Variants in USH2A observed in about 807,000 individuals in gnomAD.
USH2A encodes the protein usherin, also known as Usher syndrome 2A (autosomal recessive, mild).
Under a neutral mutation model 538.9 loss-of-function variants are expected in USH2A, and 443 were observed. The observed-to-expected ratio is 0.82, with a 90% confidence interval of 0.76 to 0.89. The LOEUF is 0.89. USH2A is among the 40% of genes least tolerant of loss of function. The pLI is 0.00. For synonymous variants in USH2A, 2,413 were observed against 2,273.5 expected (o/e 1.06, Z -1.75); for missense variants, 6,633 against 6,324.8 (o/e 1.05, Z -1.65).
chr1:215,749,284 A>T (rs1190475132), intron 58 of USH2A, among the ~76,000 whole-genome samples: 1 of 152,240 alleles, frequency 6.6e-6, no homozygotes, highest in Non-Finnish European at 1.5e-5. Context: ...ATGAAGGAAC[A>T]AAACTGTGCT....
intron 4 of USH2A, among the ~76,000 whole-genome samples, chr1:216,344,317 A>G (rs1184029717): frequency 6.6e-6 from 1 of 152,128 alleles, no homozygotes; most frequent in Non-Finnish European, 1.5e-5. Flanking sequence ...CAAACTGCAA[A>G]TGCTCAACTC....
intron 21 of USH2A, among the ~76,000 whole-genome samples, chr1:216,152,039 C>T (rs2033846187): frequency 6.6e-6 from 1 of 152,098 alleles, no homozygotes; most frequent in African/African-American, 2.4e-5. Context: ...CAAGACCTCC[C>T]TTCAGCTTAA....
rs562382188 is a variant in USH2A at position 216,027,863 on chromosome 1, G to A, written c.6325+18568C>T. ...TAATATTTTGAAACCACTGAATATA[G>A]TTAATAGTTTAATGAAATTTCCCAT... On this transcript the variant is annotated intron_variant, in intron 32 of 71. Coordinates refer to ENST00000307340, the MANE Select transcript of USH2A (RefSeq NM_206933.4). Among the ~76,000 whole-genome samples the A allele has an allele frequency of 2.6e-5, 4 of 152,302 alleles. No individual in the cohort carries two copies. The South Asian group carries it at 8.3e-4, about 32-fold the overall frequency.
At chr1:215,864,322 G>GT (rs1301521616) in intron 44 of USH2A, among the ~76,000 whole-genome samples, 1 of 152,036 alleles carries the variant, frequency 6.6e-6, no homozygotes, top group Admixed American at 6.6e-5. Context: ...CTTTTCTGAG[G>GT]ATTGTATAAA....
chr1:215,980,355 C>A (rs952373749), intron 35 of USH2A, among the ~76,000 whole-genome samples: 2 of 152,164 alleles, frequency 1.3e-5, no homozygotes, highest in African/African-American at 4.8e-5. Flanking sequence ...TGTGTCGGCA[C>A]TGAAGCATTC....
chr1:216,041,736 C>T (rs1185682652), intron 32 of USH2A, among the ~76,000 whole-genome samples: 9 of 151,978 alleles, frequency 5.9e-5, no homozygotes, highest in Admixed American at 3.9e-4. Context: ...AATTTTTGCT[C>T]ATCAAGAATG....
chr1:215,988,559 T>G (rs1235249357), intron 35 of USH2A, among the ~76,000 whole-genome samples: 3 of 151,920 alleles, frequency 2.0e-5, no homozygotes, highest in African/African-American at 7.3e-5. Flanking sequence ...AATTCTATTA[T>G]TAATTATTTG....
chr1:215,676,758 A>G (rs1160621295), intron 62 of USH2A, among the ~76,000 whole-genome samples: 1 of 150,578 alleles, frequency 6.6e-6, no homozygotes, highest in Non-Finnish European at 1.5e-5. Context: ...TAGGTTCCAT[A>G]ACTAGCTTGC....
intron 41 of USH2A, among the ~76,000 whole-genome samples, chr1:215,882,006 G>A (rs569379842): frequency 2.0e-5 from 3 of 152,250 alleles, no homozygotes; most frequent in African/African-American, 7.2e-5. Context: ...TAGTTGATTG[G>A]CTTCAGGCTT....
At chr1:215,978,709 G>T (rs930632375) in intron 35 of USH2A, among the ~76,000 whole-genome samples, 2 of 152,156 alleles carry the variant, frequency 1.3e-5, no homozygotes, top group Non-Finnish European at 2.9e-5. Context: ...GGACCCTCTA[G>T]CAGGGAATAA....
rs201727746 is a variant in USH2A at position 215,774,907 on chromosome 1, C to CTT, written c.10939+4934_10939+4935dup. On this transcript the variant is annotated intron_variant, in intron 55 of 71. Coordinates refer to ENST00000307340, the MANE Select transcript of USH2A (RefSeq NM_206933.4). ...TGGTTGATGCCACACTTTTTTTTTT[C>CTT]TTTTTTTTTTTTACTTTTTTGGTCA... 1.6e-4 allele frequency among the ~76,000 whole-genome samples: 22 copies of CTT among 136,392 alleles called. No individual in the cohort carries two copies. In the South Asian group the frequency reaches 2.8e-3, roughly 17 times the overall value. 89.5% of individuals were successfully genotyped at this position (136,392 alleles called of 152,430 possible).
chr1:215,918,085 T>C (rs1666006808), intron 38 of USH2A, among the ~76,000 whole-genome samples: 1 of 152,052 alleles, frequency 6.6e-6, no homozygotes, highest in African/African-American at 2.4e-5. Context: ...TACCAAGAAA[T>C]TAAGTGATCT....
intron 61 of USH2A, among the ~76,000 whole-genome samples, chr1:215,717,613 A>G (rs1659522032): frequency 6.6e-6 from 1 of 152,204 alleles, no homozygotes; most frequent in Non-Finnish European, 1.5e-5. Context: ...GTTTGTTTGT[A>G]TCTGTTATAG....
At chr1:216,210,141 G>A (rs1036682119) in intron 15 of USH2A, among the ~76,000 whole-genome samples, 11 of 151,992 alleles carry the variant, frequency 7.2e-5, no homozygotes, top group South Asian at 4.2e-4. Flanking sequence ...CCACTCAGTC[G>A]ATTAGTATGA....
At chr1:216,322,061 T>C in intron 8 of USH2A, 85 bp from the exon 9 acceptor site, 1 of 1,282,922 alleles carries the variant, frequency 7.8e-7, no homozygotes, top group Admixed American at 1.7e-5. Flanking sequence ...ATGCATTATG[T>C]GAATTTAACA....
At chr1:215,758,816 C>T in intron 57 of USH2A, 64 bp from the exon 58 acceptor site, 1 of 1,556,864 alleles carries the variant, frequency 6.4e-7, no homozygotes, top group Non-Finnish European at 8.8e-7. Flanking sequence ...ACAATGATTA[C>T]TAGTTTTTGT....
chr1:215,746,502 A>G (rs1254569185), intron 58 of USH2A, among the ~76,000 whole-genome samples: 1 of 152,220 alleles, frequency 6.6e-6, no homozygotes, highest in Non-Finnish European at 1.5e-5. Context: ...GCATGGTGGT[A>G]AGAAGAATTT....
chr1:216,047,672 A>AG (rs761228958), intron 31 of USH2A, among the ~76,000 whole-genome samples: 1 of 152,164 alleles, frequency 6.6e-6, no homozygotes. Context: ...TAAAAGAGGA[A>AG]GGGGGGAATA....
intron 47 of USH2A, among the ~76,000 whole-genome samples, chr1:215,830,105 T>C (rs1219883888): frequency 3.3e-5 from 5 of 152,054 alleles, no homozygotes; most frequent in South Asian, 2.1e-4. Context: ...GAGTTTCCCA[T>C]TTTTTTTCCC....
Sources: gnomAD v4.1 joint callset for allele counts (sites outside exome capture counted in the v4.1 genomes callset) on GRCh38, gnomAD v4.1.1 for gene constraint, MANE v1.5 for transcripts, NCBI Gene and HGNC (gene_info 2026-07-23, HGNC 2026-07-21) for gene names.